The following MAGI2 variants were observed in gnomAD, a reference collection of about 807,000 sequenced individuals.
The protein encoded by MAGI2 is membrane-associated guanylate kinase, WW and PDZ domain-containing protein 2.
A neutral mutation model predicts 133.3 loss-of-function variants in MAGI2; 35 were observed. The observed-to-expected ratio is 0.26, with a 90% CI of 0.20 to 0.35. The LOEUF (loss-of-function observed/expected upper bound fraction) is 0.35. MAGI2 is among the 10% of genes least tolerant of loss of function. The pLI is 1.00. For missense variants in MAGI2, 1,636 were observed against 1,863.4 expected, an observed-to-expected ratio of 0.88 and a Z score of 2.25; for synonymous variants, 729 against 710.6, an observed-to-expected ratio of 1.03 and a Z score of -0.41.
chr7:78,133,899 A>G (rs558198294), intron 17 of MAGI2, among the ~76,000 whole-genome samples: 16 of 152,020 alleles, frequency 1.1e-4, no homozygotes, highest in Admixed American at 5.2e-4. Flanking sequence ...GCATTCCCCT[A>G]TGAACTCTTC....
At chr7:78,136,900 CA>C (rs1822199804) in intron 16 of MAGI2, among the ~76,000 whole-genome samples, 1 of 152,150 alleles carries the variant, frequency 6.6e-6, no homozygotes, top group Admixed American at 6.6e-5. Context: ...TTATAGATAG[CA>C]TATGAAAATA....
intron 7 of MAGI2, among the ~76,000 whole-genome samples, chr7:78,350,886 C>T (rs1791438413): frequency 6.6e-6 from 1 of 152,198 alleles, no homozygotes; most frequent in Non-Finnish European, 1.5e-5. Flanking sequence ...GTTCACAACC[C>T]ACCTTGCTTC....
chr7:78,530,307 A>G (rs1737751716), intron 3 of MAGI2, among the ~76,000 whole-genome samples: 1 of 152,338 alleles, frequency 6.6e-6, no homozygotes, highest in Non-Finnish European at 1.5e-5. Flanking sequence ...CATCTAGCAG[A>G]TGTACATGTC....
chr7:78,179,396 T>C (rs1826971617), intron 13 of MAGI2, among the ~76,000 whole-genome samples: 1 of 152,194 alleles, frequency 6.6e-6, no homozygotes. Context: ...GGCTCTGCAG[T>C]AGGTGGGACT....
intron 2 of MAGI2, among the ~76,000 whole-genome samples, chr7:78,693,889 T>C (rs186951489): frequency 2.6e-4 from 39 of 152,330 alleles, no homozygotes; most frequent in Middle Eastern, 3.4e-3. Context: ...TGTATTTCTT[T>C]CACTTTGGAT....
chr7:78,159,142 A>T (rs1224487478), intron 16 of MAGI2, among the ~76,000 whole-genome samples: 1 of 151,392 alleles, frequency 6.6e-6, no homozygotes, highest in African/African-American at 2.4e-5. Context: ...TAATAATAAA[A>T]CTCTGTCTCC....
chr7:79,257,294 G>A (rs1270696010), intron 1 of MAGI2, among the ~76,000 whole-genome samples: 1 of 151,962 alleles, frequency 6.6e-6, no homozygotes, highest in East Asian at 1.9e-4. Context: ...ATTTACTGAA[G>A]CATTTTTATT....
chr7:78,120,767 C>T (rs1036393975), intron 20 of MAGI2, among the ~76,000 whole-genome samples: 13 of 151,516 alleles, frequency 8.6e-5, no homozygotes, highest in South Asian at 6.3e-4. Context: ...TTTGGGAGGC[C>T]GAGGCGGGCG....
chr7:78,690,830 T>C (rs1425001877), intron 2 of MAGI2, among the ~76,000 whole-genome samples: 3 of 152,202 alleles, frequency 2.0e-5, no homozygotes, highest in Admixed American at 2.0e-4. Flanking sequence ...TCACTCTAAA[T>C]GGAGTACTCA....
At chr7:78,508,133 G>A (rs1189495176) in intron 4 of MAGI2, among the ~76,000 whole-genome samples, 2 of 152,024 alleles carry the variant, frequency 1.3e-5, no homozygotes, top group Non-Finnish European at 2.9e-5. Flanking sequence ...TTTTTATAAG[G>A]ACACCAGTCA....
intron 2 of MAGI2, among the ~76,000 whole-genome samples, chr7:78,795,845 C>A (rs577032830): frequency 6.6e-6 from 1 of 152,048 alleles, no homozygotes; most frequent in Non-Finnish European, 1.5e-5. Flanking sequence ...CACACACAGC[C>A]AACTCATCTT....
chr7:79,069,248 G>A (rs183334620), intron 1 of MAGI2, among the ~76,000 whole-genome samples: 220 of 152,174 alleles, frequency 1.4e-3, no homozygotes, highest in Non-Finnish European at 2.6e-3. Flanking sequence ...CTCTTTGTAC[G>A]TCTCTAAGAA....
At chr7:78,284,195 C>G (rs2151020721) in intron 9 of MAGI2, among the ~76,000 whole-genome samples, 1 of 152,206 alleles carries the variant, frequency 6.6e-6, no homozygotes, top group Admixed American at 6.6e-5. Flanking sequence ...CAGTTTACAC[C>G]TGAAATGGCT....
chr7:78,600,673 CATAATT>C (rs1805104320), intron 3 of MAGI2, among the ~76,000 whole-genome samples: 1 of 151,944 alleles, frequency 6.6e-6, no homozygotes, highest in Non-Finnish European at 1.5e-5. Flanking sequence ...ATAATATTTA[CATAATT>C]ATAATTAAAG....
chr7:78,381,014 C>G (rs1326709086), intron 6 of MAGI2, among the ~76,000 whole-genome samples: 1 of 152,072 alleles, frequency 6.6e-6, no homozygotes, highest in Admixed American at 6.6e-5. Flanking sequence ...GATTTTTGGT[C>G]AATTTACCAT....
chr7:78,119,012 A>G (rs1408867933), intron 20 of MAGI2, among the ~76,000 whole-genome samples: 1 of 152,228 alleles, frequency 6.6e-6, no homozygotes, highest in East Asian at 1.9e-4. Context: ...AAAGACATGG[A>G]GGAAAGTTAA....
chr7:79,302,133 C>G (rs995669438), intron 1 of MAGI2, among the ~76,000 whole-genome samples: 1 of 152,174 alleles, frequency 6.6e-6, no homozygotes, highest in African/African-American at 2.4e-5. Flanking sequence ...GCAAGAATGG[C>G]CTAATACAGT....
intron 7 of MAGI2, among the ~76,000 whole-genome samples, chr7:78,361,557 G>A (rs1792813116): frequency 6.6e-6 from 1 of 151,980 alleles, no homozygotes; most frequent in South Asian, 2.1e-4. Context: ...AGAAAATAAT[G>A]TTTGAGAGTT....
intron 1 of MAGI2, among the ~76,000 whole-genome samples, chr7:79,431,873 G>C (rs923274589): frequency 3.3e-5 from 5 of 152,196 alleles, no homozygotes; most frequent in Non-Finnish European, 2.9e-5. Flanking sequence ...TAAGGGTGTA[G>C]ACTTTTAAGT....
Sources: gnomAD v4.1 joint callset for allele counts (sites outside exome capture counted in the v4.1 genomes callset) on GRCh38, gnomAD v4.1.1 for gene constraint, MANE v1.5 for transcripts, NCBI Gene and HGNC (gene_info 2026-07-23, HGNC 2026-07-21) for gene names.